NOL4L: variants seen among roughly 807,000 people sequenced by gnomAD.
The protein encoded by NOL4L is nucleolar protein 4-like.
NOL4L carries 7 observed loss-of-function variants against 64.5 expected under a neutral mutation model. The ratio of observed to expected loss-of-function variants is 0.11; its 90% CI spans 0.06 to 0.20. The LOEUF is 0.20. Among genes scored for constraint, NOL4L ranks in the 10% least tolerant of loss-of-function variants. NOL4L has a pLI of 1.00. For missense variants in NOL4L, 680 were observed against 967.1 expected (o/e 0.70, Z 3.94); for synonymous variants, 413 against 401.0 (o/e 1.03, Z -0.36).
intron 1 of NOL4L, among the ~76,000 whole-genome samples, chr20:32,570,375 T>G (rs1364653285): frequency 2.0e-5 from 3 of 152,180 alleles, no homozygotes. Context: ...AGAATGGCAC[T>G]GCCTTCCCAA....
chr20:32,580,941 G>A (rs564415710), intron 1 of NOL4L, among the ~76,000 whole-genome samples: 5 of 152,240 alleles, frequency 3.3e-5, no homozygotes, highest in Non-Finnish European at 7.3e-5. Flanking sequence ...GAAAGGGGTT[G>A]TTTTACTTTG....
chr20:32,542,855 A>G (rs2018676977), intron 1 of NOL4L, among the ~76,000 whole-genome samples: 1 of 152,140 alleles, frequency 6.6e-6, no homozygotes, highest in Non-Finnish European at 1.5e-5. Flanking sequence ...TGTCAGGGTG[A>G]CCTTGGGCAC....
intron 4 of NOL4L, chr20:32,483,351 G>A (rs2015869053): frequency 2.0e-6 from 2 of 984,338 alleles, no homozygotes; most frequent in Non-Finnish European, 2.4e-6. Context: ...GATCCGGGCC[G>A]GACTCCGTAC....
chr20:32,535,900 G>T, intron 1 of NOL4L: 1 of 985,430 alleles, frequency 1.0e-6, no homozygotes, highest in Non-Finnish European at 1.2e-6. Context: ...ATCCCCGGAC[G>T]GACAGGCCAG....
intron 6 of NOL4L, among the ~76,000 whole-genome samples, chr20:32,455,027 G>C (rs1468247876): frequency 6.6e-6 from 1 of 152,226 alleles, no homozygotes; most frequent in African/African-American, 2.4e-5. Context: ...GCAGGATGCC[G>C]AGGGCCCCCG....
intron 1 of NOL4L, among the ~76,000 whole-genome samples, chr20:32,566,270 C>T (rs1047319095): frequency 2.6e-5 from 4 of 152,110 alleles, no homozygotes; most frequent in Admixed American, 1.3e-4. Flanking sequence ...ACCCAGGATT[C>T]GAATCCAGGG....
Position 32,464,075 on chromosome 20 carries a change from G to T in NOL4L, c.842-7680C>A, listed in dbSNP as rs1361122259. On this transcript the variant is annotated intron_variant, in intron 5 of 10. Transcript: ENST00000621426. The surrounding 1 kb of genome is among the most constrained non-coding windows in gnomAD (Gnocchi z 5.6). ...CACAACAGGGCGACGGGGGAGGAGG[G>T]GGTGGGAGACTGCTGGAGCCACGGC... Among the ~76,000 whole-genome samples, 1 of 152,180 alleles carries T rather than the reference G, an allele frequency of 6.6e-6. No homozygotes were observed. The highest frequency in any genetic ancestry group is 1.5e-5 in the Non-Finnish European group (1 of 68,020).
Position 32,496,642 on chromosome 20 carries a change from C to T in NOL4L, c.699+14705G>A, listed in dbSNP as rs193282139. Among the ~76,000 whole-genome samples, 610 of 152,128 alleles carry T rather than the reference C, an allele frequency of 4.0e-3. 11 individuals carry two copies. Among genetic ancestry groups the T allele is most frequent in the Admixed American group, 0.034 (513 of 15,286 alleles). Reference sequence around the variant, plus strand: ...CTCAGCTCACTGCAACCTCTGCCTCCCAGGTTCAAGTGATTCTTCTGCCTC... The same window carrying T: ...CTCAGCTCACTGCAACCTCTGCCTCTCAGGTTCAAGTGATTCTTCTGCCTC... On this transcript the variant is annotated intron_variant, in intron 4 of 10. Coordinates refer to ENST00000621426, the MANE Select transcript of NOL4L (RefSeq NM_001256798.2).
At chr20:32,529,496 TG>T (rs2018263963) in intron 1 of NOL4L, among the ~76,000 whole-genome samples, 2 of 152,176 alleles carry the variant, frequency 1.3e-5, no homozygotes, top group South Asian at 4.1e-4. Flanking sequence ...CAGGCCACAC[TG>T]GGAGGTGACG....
intron 4 of NOL4L, chr20:32,483,675 C>G (rs1315998845): frequency 3.5e-5 from 2 of 56,628 alleles, no homozygotes; most frequent in African/African-American, 7.1e-5. Context: ...GGGAGGGGAG[C>G]GCAGGGAGGG....
At chr20:32,467,065 C>T (rs1378802363) in intron 5 of NOL4L, among the ~76,000 whole-genome samples, 3 of 152,120 alleles carry the variant, frequency 2.0e-5, no homozygotes, top group Non-Finnish European at 4.4e-5. Context: ...GTGGCCTGGT[C>T]GTTACTCCCA....
chr20:32,556,103 C>A (rs182701376), intron 1 of NOL4L, among the ~76,000 whole-genome samples: 2 of 152,288 alleles, frequency 1.3e-5, no homozygotes, highest in East Asian at 1.9e-4. Context: ...CATAGTAGGC[C>A]CCCCCTAAAT....
intron 1 of NOL4L, chr20:32,535,419 G>A (rs2145590125): frequency 5.7e-6 from 1 of 174,972 alleles, no homozygotes. Context: ...ACAAGGCGCT[G>A]AGGACTCAAT....
At chr20:32,515,762 G>A (rs1034527278) in intron 3 of NOL4L, among the ~76,000 whole-genome samples, 25 of 152,176 alleles carry the variant, frequency 1.6e-4, no homozygotes, top group Admixed American at 6.5e-4. Context: ...GTGCGGCACC[G>A]CTGGACTCTG....
intron 5 of NOL4L, among the ~76,000 whole-genome samples, chr20:32,462,127 G>A (rs756001): frequency 0.24 from 35,841 of 152,164 alleles, 9,290 homozygotes; most frequent in African/African-American, 0.65. Context: ...TGCTGGGCCC[G>A]TGGTGCAGGG....
At chr20:32,503,483 A>G (rs923540645) in intron 4 of NOL4L, among the ~76,000 whole-genome samples, 1 of 152,222 alleles carries the variant, frequency 6.6e-6, no homozygotes, top group African/African-American at 2.4e-5. Context: ...GGAGAGCCCC[A>G]TGGGGAGAGA....
intron 4 of NOL4L, among the ~76,000 whole-genome samples, chr20:32,496,749 A>G (rs1010231769): frequency 2.6e-5 from 4 of 152,020 alleles, no homozygotes; most frequent in Non-Finnish European, 5.9e-5. Flanking sequence ...ACAGGGTTTC[A>G]TCATGTTGGC....
At chr20:32,509,933 G>A (rs1266904611) in intron 4 of NOL4L, 3 of 1,304,228 alleles carry the variant, frequency 2.3e-6, no homozygotes, top group East Asian at 1.1e-4. Flanking sequence ...CGGAGACAGT[G>A]AGGATGGCTA....
chr20:32,451,069 G>C (rs1221206751), intron 10 of NOL4L, among the ~76,000 whole-genome samples: 9 of 152,142 alleles, frequency 5.9e-5, no homozygotes, highest in Admixed American at 5.9e-4. Flanking sequence ...TGCTGCCCAG[G>C]AACAGTGAGG....
Sources: allele counts gnomAD v4.1 joint callset (sites outside exome capture counted in the v4.1 genomes callset), GRCh38; gene constraint gnomAD v4.1.1; non-coding constraint Gnocchi (gnomAD v3.1); transcripts MANE v1.5; gene names NCBI Gene and HGNC (gene_info 2026-07-23, HGNC 2026-07-21).